PADI4: variants seen among roughly 807,000 people sequenced by gnomAD.
The protein encoded by PADI4 is protein-arginine deiminase type-4.
PADI4 carries 62 observed loss-of-function variants against 75.0 expected under a neutral mutation model. The ratio of observed to expected loss-of-function variants is 0.83; its 90% confidence interval spans 0.67 to 1.02. The LOEUF (loss-of-function observed/expected upper bound fraction) is 1.02. Among genes scored for constraint, PADI4 ranks in the 50% least tolerant of loss-of-function variants. The pLI is 0.00. For synonymous variants in PADI4, 361 were observed against 348.1 expected (o/e 1.04, Z -0.41); for missense variants, 845 against 850.5 (o/e 0.99, Z 0.08).
In PADI4 at chr1:17,320,764, A is replaced by T. The variant is rs963659934; in HGVS notation, c.93-10205A>T. On this transcript the variant is annotated intron_variant, in intron 1 of 15. Coordinates refer to ENST00000375448, the MANE Select transcript of PADI4 (RefSeq NM_012387.3). ...CACCTGTTTTATCAGCAAGGTCTTTATGACCTGTGTCTTGTGCTGACCTCC... is the reference window on the plus strand; with the variant it reads ...CACCTGTTTTATCAGCAAGGTCTTTTTGACCTGTGTCTTGTGCTGACCTCC... 2.6e-5 allele frequency among the ~76,000 whole-genome samples: 4 copies of T among 152,292 alleles called. No individual in the cohort carries two copies. The South Asian group carries it at 8.3e-4, about 32-fold the overall frequency.
chr1:17,354,734 C>T lies in PADI4; in HGVS notation c.1310+47C>T, dbSNP rs767420653. 5.2e-6 allele frequency: 8 copies of T among 1,530,640 alleles called. No individual in the cohort carries two copies. The East Asian group carries it at 9.1e-5, about 17-fold the overall frequency. The allele number at this position is 1,530,640 out of a possible 1,614,324, so 94.8% of individuals were successfully genotyped here. On this transcript the variant is annotated intron_variant, in intron 11 of 15. Transcript: ENST00000375448. ...AGGGGTGGCCAGGACCCAGGTATGCCGTAGAAAAGCAGAGGCCAGAGTGGA... is the reference window on the plus strand; with the variant it reads ...AGGGGTGGCCAGGACCCAGGTATGCTGTAGAAAAGCAGAGGCCAGAGTGGA...
chr1:17,319,172 A>G (rs2073992937), intron 1 of PADI4, among the ~76,000 whole-genome samples: 1 of 152,176 alleles, frequency 6.6e-6, no homozygotes, highest in Non-Finnish European at 1.5e-5. Flanking sequence ...TTTCTTAGGA[A>G]GATGCTGATT....
chr1:17,341,542 C>G (rs1163047579), intron 6 of PADI4, among the ~76,000 whole-genome samples: 1 of 152,208 alleles, frequency 6.6e-6, no homozygotes, highest in Non-Finnish European at 1.5e-5. Flanking sequence ...CTCTGCTTCT[C>G]CCTACTCACC....
In PADI4 at chr1:17,338,045, G is replaced by A. The variant is rs1473567227; in HGVS notation, c.416G>A (p.Trp139Ter). 5 of 1,610,556 alleles carry A rather than the reference G, an allele frequency of 3.1e-6. No individual in the cohort carries two copies. The highest frequency in any genetic ancestry group is 4.2e-6 in the Non-Finnish European group (5 of 1,176,812). The change falls in exon 5 of 16, where the codon TGG becomes TAG. Residue 139 changes from tryptophan (W) to a stop codon, truncating the protein, a stop_gained. Coordinates refer to ENST00000375448, the MANE Select transcript of PADI4 (RefSeq NM_012387.3). LOFTEE classifies it high-confidence loss of function. ...TTCCCTGCTGGTGTCCAGAGGACCT[G>A]GACCTGGGGCCCTTGTGGACAGGGT... is the stretch of plus-strand genomic sequence containing the variant. ...PTRAVKDQRTWTWGPCGQGAI... is the reference protein window; with the variant it reads ...PTRAVKDQRT
intron 4 of PADI4, 56 bp from the exon 5 acceptor site, chr1:17,337,982 G>T: frequency 1.1e-6 from 1 of 947,384 alleles, no homozygotes; most frequent in South Asian, 1.4e-5. Context: ...CCTCTTGCAA[G>T]AGTTGGAGGG....
In PADI4 at chr1:17,346,212, G is replaced by A; in HGVS notation, c.1047+73G>A. ...AGACACTTGGGGGACCCGGGCTCCT[G>A]GGGTTCAGCCTGGTGCCTCACCGGC... On this transcript the variant is annotated intron_variant, in intron 9 of 15. Transcript: ENST00000375448. The surrounding 1 kb of genome is among the most constrained non-coding windows in gnomAD (Gnocchi z 4.3). 1 of 952,364 alleles carries A rather than the reference G, an allele frequency of 1.1e-6. No individual in the cohort carries two copies. The highest frequency in any genetic ancestry group is 1.4e-5 in the South Asian group (1 of 72,688). 59.0% of individuals were successfully genotyped at this position (952,364 alleles called of 1,614,324 possible).
intron 1 of PADI4, among the ~76,000 whole-genome samples, chr1:17,310,446 A>G (rs987948152): frequency 3.9e-5 from 6 of 151,976 alleles, no homozygotes; most frequent in Non-Finnish European, 7.4e-5. Context: ...CTCTTCCTGA[A>G]CCACACAGGT....
At chr1:17,323,334 C>CG (rs144306568) in intron 1 of PADI4, among the ~76,000 whole-genome samples, 84,611 of 151,750 alleles carry the variant, frequency 0.56, 23,748 homozygotes, top group East Asian at 0.59. Flanking sequence ...CTTTTACTTC[C>CG]TTGGTTAGAA....
Position 17,346,012 on chromosome 1 carries a change from T to G in PADI4, c.936-16T>G. ...AATTCCAGAGCACTAAGGAGCTGCT[T>G]TTCTGCTCTCTCTAGTATTTTTGAA... On this transcript the variant is annotated splice_polypyrimidine_tract_variant and intron_variant, in intron 8 of 15. Transcript: ENST00000375448. The surrounding 1 kb of genome is among the most constrained non-coding windows in gnomAD (Gnocchi z 4.3). 1 of 1,533,582 alleles carries G rather than the reference T, an allele frequency of 6.5e-7. No individual in the cohort carries two copies. Among genetic ancestry groups the G allele is most frequent in the South Asian group, 1.1e-5 (1 of 89,486 alleles). The allele number at this position is 1,533,582 out of a possible 1,614,324, so 95.0% of individuals were successfully genotyped here.
chr1:17,334,556 G>T (rs2074277030), intron 3 of PADI4: 1 of 454,848 alleles, frequency 2.2e-6, no homozygotes, highest in African/African-American at 2.0e-5. Context: ...GCCTGCCTCA[G>T]GCTCCCAAAG....
chr1:17,341,075 A>G (rs939575682), intron 6 of PADI4, among the ~76,000 whole-genome samples: 1 of 150,076 alleles, frequency 6.7e-6, no homozygotes. Context: ...CACTAGGATT[A>G]CAGACACCAT....
chr1:17,342,245 C>A, intron 7 of PADI4, 54 bp from the exon 8 acceptor site: 4 of 1,419,252 alleles, frequency 2.8e-6, no homozygotes, highest in South Asian at 1.2e-5. Flanking sequence ...GTGGTAGGTG[C>A]TGGGCCCTGG....
intron 1 of PADI4, among the ~76,000 whole-genome samples, chr1:17,329,825 C>T (rs1021871633): frequency 2.6e-5 from 4 of 152,156 alleles, no homozygotes; most frequent in Admixed American, 1.3e-4. Flanking sequence ...TTCTGAATGC[C>T]TTTAAGATCC....
chr1:17,324,735 C>T (rs6692262), intron 1 of PADI4, among the ~76,000 whole-genome samples: 139,267 of 152,308 alleles, frequency 0.91, 63,711 homozygotes, highest in Middle Eastern at 0.96. Context: ...GTATCCTCTT[C>T]TAGAGATTCA....
intron 8 of PADI4, among the ~76,000 whole-genome samples, chr1:17,344,187 C>T (rs2074474024): frequency 6.6e-6 from 1 of 152,140 alleles, no homozygotes; most frequent in South Asian, 2.1e-4. Context: ...AGACTGGTGG[C>T]ATTTTGTACC....
chr1:17,313,627 G>A (rs1395710826), intron 1 of PADI4, among the ~76,000 whole-genome samples: 1 of 152,046 alleles, frequency 6.6e-6, no homozygotes, highest in East Asian at 1.9e-4. Context: ...AGTGAGTTTG[G>A]GGTCCTGAGA....
chr1:17,349,702 CAA>C (rs199868632), intron 10 of PADI4, among the ~76,000 whole-genome samples: 57,268 of 78,960 alleles, frequency 0.73, 20,356 homozygotes, highest in East Asian at 0.87. Context: ...AAGACTGTAT[CAA>C]AAAAAAAAAA....
At chr1:17,341,757 G>A (rs1387807044) in intron 6 of PADI4, among the ~76,000 whole-genome samples, 186 bp from the exon 7 acceptor site, 1 of 152,198 alleles carries the variant, frequency 6.6e-6, no homozygotes, top group African/African-American at 2.4e-5. Context: ...TTCAGCCGGG[G>A]AGCAGCGTCC....
At chr1:17,339,626 C>T in intron 5 of PADI4, 62 bp from the exon 6 acceptor site, 1 of 1,596,672 alleles carries the variant, frequency 6.3e-7, no homozygotes, top group African/African-American at 1.3e-5. Context: ...GGTGAGGTGG[C>T]TATGGGAAAC....
Sources: gnomAD v4.1 joint callset for allele counts (sites outside exome capture counted in the v4.1 genomes callset) on GRCh38, gnomAD v4.1.1 for gene constraint, Gnocchi (gnomAD v3.1) non-coding constraint, MANE v1.5 for transcripts, NCBI Gene and HGNC (gene_info 2026-07-23, HGNC 2026-07-21) for gene names.